The following SMOC2 variants were observed in gnomAD, a reference collection of about 807,000 sequenced individuals.
The protein encoded by SMOC2 is SPARC-related modular calcium-binding protein 2.
SMOC2 carries 39 observed loss-of-function variants against 61.4 expected under a neutral mutation model. That is an observed-to-expected ratio of 0.64 (90% CI 0.49 to 0.83). SMOC2 has a LOEUF of 0.83. Among genes scored for constraint, SMOC2 ranks in the 40% least tolerant of loss-of-function variants. The pLI is 0.00. For missense variants in SMOC2, 556 were observed against 592.9 expected (o/e 0.94, Z 0.65); for synonymous variants, 247 against 239.9 (o/e 1.03, Z -0.27).
At chr6:168,514,983 A>G (rs1018908639) in intron 2 of SMOC2, among the ~76,000 whole-genome samples, 1 of 152,176 alleles carries the variant, frequency 6.6e-6, no homozygotes, top group African/African-American at 2.4e-5. Flanking sequence ...TCTTTGCCGT[A>G]CCCAGCTGCA....
At chr6:168,546,418 G>A (rs1004628887) in intron 5 of SMOC2, among the ~76,000 whole-genome samples, 2 of 152,212 alleles carry the variant, frequency 1.3e-5, no homozygotes, top group South Asian at 4.1e-4. Flanking sequence ...TTTACCAGGG[G>A]GCCCAATGTG....
At chr6:168,464,360 T>G (rs1042766381) in intron 1 of SMOC2, among the ~76,000 whole-genome samples, 1 of 152,034 alleles carries the variant, frequency 6.6e-6, no homozygotes, top group Non-Finnish European at 1.5e-5. Flanking sequence ...GAGACTGGCT[T>G]TTGGATGACG....
chr6:168,615,895 T>C (rs1203385392), intron 9 of SMOC2, among the ~76,000 whole-genome samples: 2 of 152,184 alleles, frequency 1.3e-5, no homozygotes, highest in Non-Finnish European at 2.9e-5. Flanking sequence ...TTCTAATTTT[T>C]TGAAGATTAG....
chr6:168,627,135 C>T (rs1043164077), intron 9 of SMOC2, among the ~76,000 whole-genome samples: 9 of 152,204 alleles, frequency 5.9e-5, no homozygotes, highest in African/African-American at 2.2e-4. Flanking sequence ...ACCCCCAGCT[C>T]CTGATAGGCC....
At chr6:168,450,615 A>G (rs1781438568) in intron 1 of SMOC2, among the ~76,000 whole-genome samples, 1 of 152,098 alleles carries the variant, frequency 6.6e-6, no homozygotes, top group African/African-American at 2.4e-5. Context: ...GAAGTGCTGG[A>G]TGCATGTAGT....
At chr6:168,539,679 C>T (rs1176307235) in intron 4 of SMOC2, among the ~76,000 whole-genome samples, 1 of 152,230 alleles carries the variant, frequency 6.6e-6, no homozygotes, top group Non-Finnish European at 1.5e-5. Context: ...GGGGGCACTT[C>T]CAGCATCTGG....
At chr6:168,526,073 C>T (rs1460182934) in intron 2 of SMOC2, among the ~76,000 whole-genome samples, 1 of 152,212 alleles carries the variant, frequency 6.6e-6, no homozygotes, top group East Asian at 1.9e-4. Flanking sequence ...CTTCCTGGGC[C>T]TCAGTGTTCT....
intron 8 of SMOC2, among the ~76,000 whole-genome samples, chr6:168,601,883 T>A (rs1261075131): frequency 6.6e-6 from 1 of 152,226 alleles, no homozygotes; most frequent in Admixed American, 6.5e-5. Flanking sequence ...CATTCCGCTG[T>A]CATGGCAGAA....
Position 168,518,812 on chromosome 6 carries a change from CAT to C in SMOC2, c.257-7533_257-7532del, listed in dbSNP as rs534720407. ...GCATGTATGTGCTTGTGTGTGAATG[CAT>C]GTTTATGTGAGTGCATGAGTGTGCA... On this transcript the variant is annotated intron_variant, in intron 2 of 12. Coordinates refer to ENST00000356284, the MANE Select transcript of SMOC2 (RefSeq NM_001166412.2). Among the ~76,000 whole-genome samples the C allele has an allele frequency of 1.3e-4, 18 of 141,734 alleles. No individual in the cohort carries two copies. In the East Asian group the frequency reaches 2.2e-3, roughly 17 times the overall value. The allele number at this position is 141,734 out of a possible 152,430, so 93.0% of individuals were successfully genotyped here.
intron 9 of SMOC2, among the ~76,000 whole-genome samples, chr6:168,641,198 C>T (rs546287347): frequency 6.6e-5 from 10 of 152,092 alleles, no homozygotes; most frequent in Non-Finnish European, 1.3e-4. Flanking sequence ...TTGCACAGAA[C>T]ACCTCCTTAA....
At position 168,497,097 on chromosome 6, in the gene SMOC2, G is replaced by A. The variant is rs111540255; in HGVS notation, c.85-12818G>A. 3.6e-3 allele frequency among the ~76,000 whole-genome samples: 550 copies of A among 152,328 alleles called. 2 individuals are homozygous for A. The highest frequency in any genetic ancestry group is 0.013 in the African/African-American group (529 of 41,592). ...TGTAAAGCTATGCGAGAGCCCTGGG[G>A]CTGCCGTCCTGGGGAAAGAAGGCCC... On this transcript the variant is annotated intron_variant, in intron 1 of 12. Coordinates refer to ENST00000356284, the MANE Select transcript of SMOC2 (RefSeq NM_001166412.2).
chr6:168,552,437 T>A (rs2180348), intron 7 of SMOC2, among the ~76,000 whole-genome samples: 73,015 of 118,196 alleles, frequency 0.62, 21,512 homozygotes, highest in African/African-American at 0.83. Flanking sequence ...GTTTTTTTAT[T>A]AAAAAGGCCA....
At chr6:168,529,327 A>G (rs1783530002) in intron 4 of SMOC2, among the ~76,000 whole-genome samples, 1 of 152,148 alleles carries the variant, frequency 6.6e-6, no homozygotes, top group Admixed American at 6.5e-5. Context: ...CTGGGTAGGA[A>G]GCCAGGCGTG....
chr6:168,615,238 C>T (rs1300861129), intron 9 of SMOC2, among the ~76,000 whole-genome samples: 1 of 94,746 alleles, frequency 1.1e-5, no homozygotes, highest in Admixed American at 1.0e-4. Context: ...GGGGCCTCTT[C>T]ACACCTACAG....
chr6:168,662,917 C>T (rs757807879), intron 11 of SMOC2, among the ~76,000 whole-genome samples: 4 of 152,116 alleles, frequency 2.6e-5, no homozygotes, highest in African/African-American at 4.8e-5. Flanking sequence ...GGATGGAATA[C>T]GTCAGAAAGT....
chr6:168,477,900 T>G (rs913834241), intron 1 of SMOC2, among the ~76,000 whole-genome samples: 1 of 152,206 alleles, frequency 6.6e-6, no homozygotes, highest in African/African-American at 2.4e-5. Flanking sequence ...CCCACTCGAT[T>G]CTTCTTACGA....
In SMOC2 at chr6:168,553,424, G is replaced by A. The variant is rs1318457469; in HGVS notation, c.637+4221G>A. ...TTGTAAGATACAGTCTTTTAATTAT[G>A]TAAGATTTAAACAAATGTAAATCGA... On this transcript the variant is annotated intron_variant, in intron 7 of 12. Coordinates refer to ENST00000356284, the MANE Select transcript of SMOC2 (RefSeq NM_001166412.2). This position sits in a 1 kb window ranked among gnomAD's most constrained non-coding sequence, Gnocchi z 4.2. 6.6e-6 allele frequency among the ~76,000 whole-genome samples: 1 copy of A among 152,126 alleles called. No individual in the cohort carries two copies. Among genetic ancestry groups the A allele is most frequent in the Non-Finnish European group, 1.5e-5 (1 of 68,020 alleles).
At chr6:168,560,512 C>G (rs57987480) in intron 7 of SMOC2, among the ~76,000 whole-genome samples, 1 of 135,126 alleles carries the variant, frequency 7.4e-6, no homozygotes, top group Admixed American at 7.5e-5. Context: ...ATGTGAGGCT[C>G]TCACTGCGTT....
At chr6:168,492,292 T>C (rs1285159038) in intron 1 of SMOC2, among the ~76,000 whole-genome samples, 1 of 152,208 alleles carries the variant, frequency 6.6e-6, no homozygotes, top group Non-Finnish European at 1.5e-5. Flanking sequence ...CACACACACA[T>C]GCATGATGCT....
Sources: allele counts gnomAD v4.1 joint callset (sites outside exome capture counted in the v4.1 genomes callset), GRCh38; gene constraint gnomAD v4.1.1; non-coding constraint Gnocchi (gnomAD v3.1); transcripts MANE v1.5; gene names NCBI Gene and HGNC (gene_info 2026-07-23, HGNC 2026-07-21).